Variants in CSMD1 observed in about 807,000 individuals in gnomAD.
CSMD1 encodes the protein CUB and Sushi multiple domains 1, also known as CUB and sushi domain-containing protein 1.
In CSMD1, 213 loss-of-function variants were observed where a neutral mutation model predicts 417.5. That is an observed-to-expected ratio of 0.51 (90% CI 0.46 to 0.57). The LOEUF is 0.57. Among genes scored for constraint, CSMD1 ranks in the 20% least tolerant of loss-of-function variants. CSMD1 has a pLI of 0.00. For synonymous variants in CSMD1, 2,862 were observed against 1,736.8 expected, an observed-to-expected ratio of 1.65 and a Z score of -16.11; for missense variants, 6,923 against 4,529.7, an observed-to-expected ratio of 1.53 and a Z score of -15.17.
intron 12 of CSMD1, among the ~76,000 whole-genome samples, chr8:3,449,574 A>G (rs1815556230): frequency 6.6e-6 from 1 of 151,760 alleles, no homozygotes; most frequent in Non-Finnish European, 1.5e-5. Flanking sequence ...CTGGAGTGCA[A>G]TGGCACAATA....
chr8:4,422,840 G>C (rs754567254), intron 2 of CSMD1, among the ~76,000 whole-genome samples: 4 of 152,046 alleles, frequency 2.6e-5, no homozygotes, highest in East Asian at 1.9e-4. Context: ...TGATCAAATG[G>C]TGTTTATTAG....
rs1714779 is a variant in CSMD1, at chr8:4,156,027, G to C, written c.416-123928C>G. 3.3e-5 allele frequency among the ~76,000 whole-genome samples: 5 copies of C among 152,216 alleles called. No individual in the cohort carries two copies. In the East Asian group the frequency reaches 7.8e-4, roughly 24 times the overall value. On this transcript the variant is annotated intron_variant, in intron 3 of 69. Transcript: ENST00000635120. ...AATGGAGTCACAGACCCAGTGGCCT[G>C]GTTCCTCAGATGAGCTCCATAGATT...
chr8:3,113,688 C>T (rs1283803923), intron 42 of CSMD1, among the ~76,000 whole-genome samples: 3 of 152,108 alleles, frequency 2.0e-5, no homozygotes, highest in Admixed American at 2.0e-4. Flanking sequence ...GAAGGGGGTA[C>T]TTTTGGTGAT....
chr8:3,630,765 A>G (rs1199690001), intron 7 of CSMD1, among the ~76,000 whole-genome samples: 1 of 152,172 alleles, frequency 6.6e-6, no homozygotes. Context: ...GGTAGCACTC[A>G]CCATGGTGGC....
At chr8:3,005,125 C>T (rs537520675) in intron 52 of CSMD1, among the ~76,000 whole-genome samples, 1 of 152,182 alleles carries the variant, frequency 6.6e-6, no homozygotes, top group African/African-American at 2.4e-5. Flanking sequence ...GACGACAGAG[C>T]AAGACTCTGT....
At chr8:3,129,485 T>C (rs1170919161) in intron 41 of CSMD1, among the ~76,000 whole-genome samples, 5 of 152,176 alleles carry the variant, frequency 3.3e-5, no homozygotes, top group Non-Finnish European at 5.9e-5. Context: ...CAAAAAACTA[T>C]GGAGCTGGGC....
intron 1 of CSMD1, among the ~76,000 whole-genome samples, chr8:4,740,941 T>A (rs183222895): frequency 6.6e-6 from 1 of 152,270 alleles, no homozygotes; most frequent in East Asian, 1.9e-4. Context: ...AAAACACTTA[T>A]TAACATATAT....
intron 3 of CSMD1, among the ~76,000 whole-genome samples, chr8:4,355,176 G>T (rs959422334): frequency 1.3e-5 from 2 of 151,866 alleles, no homozygotes; most frequent in South Asian, 4.2e-4. Context: ...GCAGGAGAAT[G>T]GCGTGAACCT....
chr8:4,086,327 T>C (rs1254468575), intron 3 of CSMD1, among the ~76,000 whole-genome samples: 1 of 152,206 alleles, frequency 6.6e-6, no homozygotes, highest in Non-Finnish European at 1.5e-5. Context: ...CAAAGCCTTT[T>C]TCATTAAGCA....
rs2062076 is a variant in CSMD1 at position 3,800,661 on chromosome 8, C to T, written c.819-46619G>A. Among the ~76,000 whole-genome samples, 758 of 152,222 alleles carry T rather than the reference C, an allele frequency of 5.0e-3. 4 individuals carry two copies. Among genetic ancestry groups the T allele is most frequent in the African/African-American group, 0.018 (732 of 41,552 alleles). Reference sequence around the variant, plus strand: ...GTTATGCAGACAGAACCCTCATGAACGGCTTGGTGATATTCTCGTGGGAGT... The same window carrying T: ...GTTATGCAGACAGAACCCTCATGAATGGCTTGGTGATATTCTCGTGGGAGT... On this transcript the variant is annotated intron_variant, in intron 5 of 69. Transcript: ENST00000635120.
At chr8:3,523,928 C>A (rs1353236482) in intron 10 of CSMD1, among the ~76,000 whole-genome samples, 5 of 151,348 alleles carry the variant, frequency 3.3e-5, no homozygotes, top group African/African-American at 7.3e-5. Context: ...CACACATATG[C>A]ATGCACACTC....
chr8:3,750,311 A>T lies in CSMD1; in HGVS notation c.931+3619T>A, dbSNP rs183775950. Among the ~76,000 whole-genome samples, 49 of 150,084 alleles carry T rather than the reference A, an allele frequency of 3.3e-4. No individual in the cohort carries two copies. In the East Asian group the frequency reaches 9.4e-3, roughly 29 times the overall value. ...TGTTCTTTTTAAAATGTTCTTCTCC[A>T]CTTTATATGTATATATATATCTTAT... is the stretch of plus-strand genomic sequence containing the variant. On this transcript the variant is annotated intron_variant, in intron 6 of 69. Transcript: ENST00000635120.
At chr8:3,822,782 G>T (rs933546260) in intron 5 of CSMD1, among the ~76,000 whole-genome samples, 2 of 152,120 alleles carry the variant, frequency 1.3e-5, no homozygotes, top group Non-Finnish European at 2.9e-5. Context: ...AAGAGAGGAT[G>T]GATAGTTGAT....
chr8:3,595,761 G>C (rs940642299), intron 8 of CSMD1, among the ~76,000 whole-genome samples: 6 of 152,202 alleles, frequency 3.9e-5, no homozygotes, highest in African/African-American at 1.4e-4. Context: ...CCTGCCATTT[G>C]CTAAACAACA....
At chr8:4,529,354 G>A (rs957983676) in intron 2 of CSMD1, among the ~76,000 whole-genome samples, 1 of 152,142 alleles carries the variant, frequency 6.6e-6, no homozygotes, top group Non-Finnish European at 1.5e-5. Flanking sequence ...GTTAAAGCAG[G>A]CATTAATATG....
At chr8:3,721,324 G>T (rs1255909984) in intron 6 of CSMD1, among the ~76,000 whole-genome samples, 2 of 152,184 alleles carry the variant, frequency 1.3e-5, no homozygotes, top group Non-Finnish European at 1.5e-5. Flanking sequence ...AAGTGAGTGT[G>T]TGTGGCTGTG....
chr8:3,108,725 G>C lies in CSMD1; in HGVS notation c.6632C>G (p.Pro2211Arg), dbSNP rs1277900379. Reference protein sequence around the residue: ...AVWDGPDQNSPQLGVFSGNTA... With the variant: ...AVWDGPDQNSRQLGVFSGNTA... ...GTTGCCACTGAAAACTCCCAGCTGG[G>C]GTGAGTTCTGATCGGGACCGTCCCT... is the stretch of plus-strand genomic sequence containing the variant. Residue 2211 changes from proline to arginine, a missense_variant, in exon 44 of 70, where the codon CCC becomes CGC. Physicochemically the swap from Pro to Arg is moderately radical, Grantham distance 103. Coordinates refer to ENST00000635120, the MANE Select transcript of CSMD1 (RefSeq NM_033225.6). 5.6e-6 allele frequency: 9 copies of C among 1,613,216 alleles called. No homozygotes were observed. Among genetic ancestry groups the C allele is most frequent in the African/African-American group, 1.3e-5 (1 of 74,908 alleles).
intron 1 of CSMD1, among the ~76,000 whole-genome samples, chr8:4,800,740 G>A (rs908033379): frequency 1.8e-4 from 28 of 152,286 alleles, no homozygotes; most frequent in African/African-American, 6.5e-4. Context: ...TAAGGCCTCT[G>A]GCCACTTTGG....
chr8:3,756,903 C>G (rs974183963), intron 5 of CSMD1, among the ~76,000 whole-genome samples: 1 of 152,078 alleles, frequency 6.6e-6, no homozygotes, highest in Non-Finnish European at 1.5e-5. Context: ...TCAAGCCATC[C>G]GCTTGCCTCA....
Sources: gnomAD v4.1 joint callset for allele counts (sites outside exome capture counted in the v4.1 genomes callset) on GRCh38, gnomAD v4.1.1 for gene constraint, MANE v1.5 for transcripts, NCBI Gene and HGNC (gene_info 2026-07-23, HGNC 2026-07-21) for gene names.